Variants in KLHL18 observed in about 807,000 individuals in gnomAD.
The protein encoded by KLHL18 is kelch like family member 18.
KLHL18 carries 38 observed loss-of-function variants against 58.5 expected under a neutral mutation model. The observed-to-expected ratio is 0.65, with a 90% CI of 0.50 to 0.85. KLHL18 has a LOEUF of 0.85. Among genes scored for constraint, KLHL18 ranks in the 40% least tolerant of loss-of-function variants. KLHL18 has a pLI of 0.00. For missense variants in KLHL18, 624 were observed against 778.4 expected (o/e 0.80, Z 2.36); for synonymous variants, 303 against 301.9 (o/e 1.00, Z -0.04).
chr3:47,327,109 C>T (rs1243483221), intron 3 of KLHL18, among the ~76,000 whole-genome samples: 1 of 151,774 alleles, frequency 6.6e-6, no homozygotes, highest in Non-Finnish European at 1.5e-5. Context: ...CGTGGTGGCG[C>T]ACGCCTGTAA....
intron 1 of KLHL18, among the ~76,000 whole-genome samples, chr3:47,313,218 T>C (rs909093111): frequency 4.0e-5 from 6 of 150,814 alleles, no homozygotes; most frequent in African/African-American, 1.5e-4. Flanking sequence ...CTAATTTTTT[T>C]TTTTTTTTTT....
At chr3:47,327,449 G>C (rs1238849444) in intron 3 of KLHL18, among the ~76,000 whole-genome samples, 1 of 152,242 alleles carries the variant, frequency 6.6e-6, no homozygotes, top group Non-Finnish European at 1.5e-5. Context: ...CTCTCAGGTT[G>C]ATGTCAAAGT....
Position 47,342,807 on chromosome 3 carries a change from G to C in KLHL18, c.1315G>C (p.Asp439His), listed in dbSNP as rs761971129. Reference sequence around the variant, plus strand: ...CAGGATATATGTGTCAGGCGGCCATGATGGTTTGCAGATCTTCAGCAGTGT... The same window carrying C: ...CAGGATATATGTGTCAGGCGGCCATCATGGTTTGCAGATCTTCAGCAGTGT... Reference protein sequence around the residue: ...EGRIYVSGGHDGLQIFSSVEH... With the variant: ...EGRIYVSGGHHGLQIFSSVEH... Residue 439 changes from aspartate to histidine, a missense_variant, in exon 9 of 10, where the codon GAT becomes CAT. Asp to His is a moderately conservative substitution (Grantham distance 81). Transcript: ENST00000232766. The C allele has an allele frequency of 7.4e-6, 12 of 1,614,148 alleles. No homozygotes were observed. In the South Asian group the frequency reaches 1.1e-4, roughly 15 times the overall value.
Position 47,317,648 on chromosome 3 carries a change from T to A in KLHL18, c.130-2005T>A, listed in dbSNP as rs537235553. ...AGAAAAATTATACAAAAAGGAAATA[T>A]ATACTGACAGTATACAGCATGGCTT... On this transcript the variant is annotated intron_variant, in intron 1 of 9. Transcript: ENST00000232766. Among the ~76,000 whole-genome samples the A allele has an allele frequency of 2.6e-5, 4 of 152,250 alleles. No homozygotes were observed. The East Asian group carries it at 7.7e-4, about 29-fold the overall frequency.
At chr3:47,324,148 G>A (rs1703652956) in intron 3 of KLHL18, among the ~76,000 whole-genome samples, 3 of 151,964 alleles carry the variant, frequency 2.0e-5, no homozygotes, top group Non-Finnish European at 2.9e-5. Flanking sequence ...TGCCTTCTGG[G>A]GCAGGCCAGA....
chr3:47,297,560 A>T, intron 1 of KLHL18: 1 of 456,690 alleles, frequency 2.2e-6, no homozygotes, highest in Non-Finnish European at 4.4e-6. Flanking sequence ...TTTTTACTTC[A>T]GCCAACTGAA....
chr3:47,295,025 C>T (rs1702868569), intron 1 of KLHL18, among the ~76,000 whole-genome samples: 1 of 152,066 alleles, frequency 6.6e-6, no homozygotes, highest in South Asian at 2.1e-4. Context: ...GTGCCTCTAC[C>T]TCATGTTTGA....
chr3:47,337,713 G>A (rs1470810210), intron 7 of KLHL18: 3 of 152,246 alleles, frequency 2.0e-5, no homozygotes, highest in Non-Finnish European at 4.4e-5. Context: ...ACAAAGCATC[G>A]GAGTAGGTTC....
chr3:47,300,036 C>T (rs1702981445), intron 1 of KLHL18, among the ~76,000 whole-genome samples: 1 of 150,974 alleles, frequency 6.6e-6, no homozygotes, highest in South Asian at 2.1e-4. Context: ...AAATAAGTTT[C>T]TCTGTCTCTC....
chr3:47,304,753 G>T (rs1240383653), intron 1 of KLHL18, among the ~76,000 whole-genome samples: 1 of 152,010 alleles, frequency 6.6e-6, no homozygotes, highest in African/African-American at 2.4e-5. Context: ...GCCAGGCGCT[G>T]TGGCTCACAC....
rs187741032 is a variant in KLHL18, at chr3:47,322,486, G to T, written c.261-82G>T. 1.8e-5 allele frequency: 25 copies of T among 1,363,158 alleles called. 1 individual carries two copies. Among genetic ancestry groups the T allele is most frequent in the Middle Eastern group, 2.7e-4 (1 of 3,638 alleles). The allele number at this position is 1,363,158 out of a possible 1,614,324, so 84.4% of individuals were successfully genotyped here. ...TCTCAAAGGGCCTGGGCTAAGTAAT[G>T]TCAGTTCAGTTAGGGCCTGAGTCTC... On this transcript the variant is annotated intron_variant, in intron 2 of 9. Coordinates refer to ENST00000232766, the MANE Select transcript of KLHL18 (RefSeq NM_025010.5).
Position 47,334,683 on chromosome 3 carries a change from G to A in KLHL18, c.762G>A (p.Arg254=). The change falls in exon 6 of 10, where the codon AGG becomes AGA. Residue 254 remains arginine (R), a splice_region_variant and synonymous_variant. Transcript: ENST00000232766. The surrounding 1 kb of genome is among the most constrained non-coding windows in gnomAD (Gnocchi z 4.7). ...TCTAGCATCTTCCACCTTATTCTAG[G>A]GACCTGGTAGACGAAGCAAAGGACT... ...DDLVRCCHKC[R]DLVDEAKDYH... The A allele has an allele frequency of 6.2e-7, 1 of 1,614,064 alleles. No individual in the cohort carries two copies. Among genetic ancestry groups the A allele is most frequent in the South Asian group, 1.1e-5 (1 of 91,078 alleles).
Position 47,282,947 on chromosome 3 carries a change from G to C in KLHL18, c.-19G>C, listed in dbSNP as rs373893572. 1.8e-5 allele frequency: 29 copies of C among 1,603,872 alleles called. No individual in the cohort carries two copies. Among genetic ancestry groups the C allele is most frequent in the Non-Finnish European group, 2.4e-5 (28 of 1,176,090 alleles). On this transcript the variant is annotated 5_prime_UTR_variant, in exon 1 of 10. Transcript: ENST00000232766. ...CTAGCCGGCCGGCGAGGCCTGCGCA[G>C]TTGCAGCGGCCGGGGAAGATGGTGG...
intron 1 of KLHL18, among the ~76,000 whole-genome samples, chr3:47,317,466 G>A (rs1703482651): frequency 6.6e-6 from 1 of 152,088 alleles, no homozygotes; most frequent in African/African-American, 2.4e-5. Context: ...AGGACTACGT[G>A]GGGTTCAGGA....
chr3:47,332,704 G>A (rs1051046064), intron 4 of KLHL18, among the ~76,000 whole-genome samples: 21 of 152,162 alleles, frequency 1.4e-4, no homozygotes, highest in African/African-American at 4.1e-4. Context: ...AAGGCTCCTT[G>A]GAGAACATGG....
chr3:47,297,124 C>T (rs1702913189), intron 1 of KLHL18, among the ~76,000 whole-genome samples: 1 of 152,206 alleles, frequency 6.6e-6, no homozygotes, highest in South Asian at 2.1e-4. Flanking sequence ...CTTCCTTCCT[C>T]ACCCCCTTCC....
intron 1 of KLHL18, among the ~76,000 whole-genome samples, chr3:47,294,672 T>C (rs1364717218): frequency 2.6e-5 from 4 of 152,132 alleles, no homozygotes; most frequent in African/African-American, 9.7e-5. Context: ...GTTCCTTGCA[T>C]GTGTATGGTA....
intron 3 of KLHL18, among the ~76,000 whole-genome samples, chr3:47,323,639 G>A (rs1274917880): frequency 6.6e-6 from 1 of 152,196 alleles, no homozygotes; most frequent in Non-Finnish European, 1.5e-5. Flanking sequence ...ATAAGGTAAA[G>A]GCCTTTTAAC....
chr3:47,335,472 G>A (rs2107655592), intron 6 of KLHL18, among the ~76,000 whole-genome samples: 1 of 152,222 alleles, frequency 6.6e-6, no homozygotes, highest in Middle Eastern at 3.4e-3. Context: ...GGGGCAGTTG[G>A]TGGGCACTCC....
Sources: allele counts gnomAD v4.1 joint callset (sites outside exome capture counted in the v4.1 genomes callset), GRCh38; gene constraint gnomAD v4.1.1; non-coding constraint Gnocchi (gnomAD v3.1); transcripts MANE v1.5; gene names NCBI Gene and HGNC (gene_info 2026-07-23, HGNC 2026-07-21).